The following PYGB variants were observed in gnomAD, a reference collection of about 807,000 sequenced individuals.
PYGB encodes the protein glycogen phosphorylase B.
Under a neutral mutation model 94.3 loss-of-function variants are expected in PYGB, and 82 were observed. The observed-to-expected ratio is 0.87, with a 90% CI of 0.73 to 1.04. PYGB has a LOEUF of 1.04. Ranked by LOEUF, PYGB falls within the 50% of genes least tolerant of loss-of-function variation. The pLI is 0.00. For missense variants in PYGB, 1,132 were observed against 1,158.2 expected (o/e 0.98, Z 0.33); for synonymous variants, 488 against 479.1 (o/e 1.02, Z -0.24).
chr20:25,287,158 T>C (rs765055831), intron 14 of PYGB, among the ~76,000 whole-genome samples: 8 of 152,218 alleles, frequency 5.3e-5, no homozygotes, highest in Non-Finnish European at 8.8e-5. Flanking sequence ...TTTGCTGGGC[T>C]GGCAGTGAGC....
At chr20:25,290,867 T>G (rs1196764154) in intron 16 of PYGB, among the ~76,000 whole-genome samples, 1 of 152,144 alleles carries the variant, frequency 6.6e-6, no homozygotes, top group Non-Finnish European at 1.5e-5. Context: ...CAGGGCACCC[T>G]TACTGCCGCG....
chr20:25,254,287 A>G (rs1042225480), intron 1 of PYGB, among the ~76,000 whole-genome samples: 20 of 152,202 alleles, frequency 1.3e-4, no homozygotes, highest in African/African-American at 3.6e-4. Context: ...CAATAATACA[A>G]TTGTAAAAAA....
chr20:25,268,615 G>A (rs185481564), intron 2 of PYGB, among the ~76,000 whole-genome samples: 6 of 152,234 alleles, frequency 3.9e-5, no homozygotes, highest in Admixed American at 2.6e-4. Flanking sequence ...TGTCAAGTTC[G>A]TGCACTAAAG....
intron 4 of PYGB, among the ~76,000 whole-genome samples, chr20:25,272,526 G>A (rs527717900): frequency 6.6e-6 from 1 of 152,402 alleles, no homozygotes; most frequent in East Asian, 1.9e-4. Context: ...AAAATCAATG[G>A]ATTGGTGGAC....
In PYGB at chr20:25,282,161, C is replaced by G; in HGVS notation, c.1518+14C>G. 1 of 1,587,238 alleles carries G rather than the reference C, an allele frequency of 6.3e-7. No individual in the cohort carries two copies. Among genetic ancestry groups the G allele is most frequent in the Non-Finnish European group, 8.6e-7 (1 of 1,160,608 alleles). On this transcript the variant is annotated intron_variant, in intron 12 of 19. Transcript: ENST00000216962. ...ACCATCGTGGAGGTGAGTCCCGGGC[C>G]CCACCCGTGCCTGTGGAGATGCCTG...
At chr20:25,271,857 T>C (rs1258938285) in intron 4 of PYGB, among the ~76,000 whole-genome samples, 3 of 152,246 alleles carry the variant, frequency 2.0e-5, no homozygotes, top group Admixed American at 6.5e-5. Flanking sequence ...GGTGGTACTT[T>C]CGGGGTCAGC....
At chr20:25,271,325 G>A (rs748314634) in intron 3 of PYGB, 58 bp from the exon 4 acceptor site, 227 of 1,542,194 alleles carry the variant, frequency 1.5e-4, no homozygotes, top group Non-Finnish European at 1.8e-4. Context: ...GGCTGCCTCC[G>A]CATGGGACCT....
rs373925841 is a variant in PYGB at position 25,271,279 on chromosome 20, T to C, written c.425-104T>C. 1.8e-5 allele frequency: 19 copies of C among 1,035,554 alleles called. No homozygotes were observed. The African/African-American group carries it at 2.8e-4, about 15-fold the overall frequency. The allele number at this position is 1,035,554 out of a possible 1,614,324, so 64.1% of individuals were successfully genotyped here. On this transcript the variant is annotated intron_variant, in intron 3 of 19. Transcript: ENST00000216962. ...TCCTCTCAGTGAAGCCTGAAGTCAGTGTGATCCCCTCTGAATTTCTGCCTT... is the reference window on the plus strand; with the variant it reads ...TCCTCTCAGTGAAGCCTGAAGTCAGCGTGATCCCCTCTGAATTTCTGCCTT...
chr20:25,248,523 C>G, intron 1 of PYGB, 102 bp downstream of exon 1: 1 of 1,231,920 alleles, frequency 8.1e-7, no homozygotes, highest in Non-Finnish European at 1.0e-6. Flanking sequence ...TCGGGCGTTA[C>G]CTGCGCCCCT....
chr20:25,252,987 CGT>C (rs1462745488), intron 1 of PYGB, among the ~76,000 whole-genome samples: 1 of 152,216 alleles, frequency 6.6e-6, no homozygotes, highest in Non-Finnish European at 1.5e-5. Flanking sequence ...CCACATCAGG[CGT>C]GGTTGAAAGG....
At chr20:25,265,894 C>T (rs1185263202) in intron 2 of PYGB, among the ~76,000 whole-genome samples, 2 of 150,628 alleles carry the variant, frequency 1.3e-5, no homozygotes, top group Non-Finnish European at 1.5e-5. Flanking sequence ...CATGCCCGGC[C>T]GATTTTTGTT....
Position 25,278,414 on chromosome 20 carries a change from C to A in PYGB, c.951C>A (p.Phe317Leu). The A allele has an allele frequency of 6.2e-7, 1 of 1,614,218 alleles. No homozygotes were observed. Among genetic ancestry groups the A allele is most frequent in the South Asian group, 1.1e-5 (1 of 91,082 alleles). The change falls in exon 8 of 20, where the codon TTC (phenylalanine) becomes TTA (leucine). Residue 317 changes from phenylalanine (F) to leucine (L), a missense_variant. Transcript: ENST00000216962. ...TCCGCCGCTTCAAGTCGTCCAAGTT[C>A]GGCTGCCGGGACCCTGTGAGAACCT... Reference protein sequence around the residue: ...DIIRRFKSSKFGCRDPVRTCF... With the variant: ...DIIRRFKSSKLGCRDPVRTCF...
intron 2 of PYGB, among the ~76,000 whole-genome samples, chr20:25,267,809 G>A (rs1181556619): frequency 6.6e-6 from 1 of 152,132 alleles, no homozygotes. Context: ...GGGATGACAG[G>A]CTTGAGCCAC....
rs528694849 is a variant in PYGB at position 25,274,393 on chromosome 20, G to A, written c.529-199G>A. 3.4e-4 allele frequency among the ~76,000 whole-genome samples: 52 copies of A among 152,334 alleles called. No homozygotes were observed. The East Asian group carries it at 9.1e-3, about 27-fold the overall frequency. On this transcript the variant is annotated intron_variant, in intron 4 of 19. Transcript: ENST00000216962. ...GCACGTGTTTCTAAATTTTGAGTTT[G>A]TTACTTTAGTGTCCACTGTGTTCAT...
chr20:25,278,280 G>GCCCTGGGACTGGGTCATGGGGCGTGTGCC lies in PYGB; in HGVS notation c.856-36_856-35insTGGGACTGGGTCATGGGGCGTGTGCCCCC, dbSNP rs11466827. On this transcript the variant is annotated intron_variant, in intron 7 of 19. Transcript: ENST00000216962. ...CTGGGCTTCCTGGGGGAGGAGAATGGCCCAGCCTGCACCCTCCAGCTTGCT... is the reference window on the plus strand; with the variant it reads ...CTGGGCTTCCTGGGGGAGGAGAATGGCCCTGGGACTGGGTCATGGGGCGTGTGCCCCCAGCCTGCACCCTCCAGCTTGCT... 1.9e-6 allele frequency: 3 copies of GCCCTGGGACTGGGTCATGGGGCGTGTGCC among 1,566,718 alleles called. No individual in the cohort carries two copies. In the African/African-American group the frequency reaches 4.1e-5, roughly 21 times the overall value.
At chr20:25,285,290 T>C (rs541643546) in intron 14 of PYGB, 1 of 152,274 alleles carries the variant, frequency 6.6e-6, no homozygotes, top group East Asian at 1.9e-4. Context: ...GTTGTGATGC[T>C]CTGTGTTCCC....
chr20:25,291,659 C>G (rs2088468756), intron 16 of PYGB, among the ~76,000 whole-genome samples: 1 of 152,090 alleles, frequency 6.6e-6, no homozygotes, highest in African/African-American at 2.4e-5. Context: ...ATCTCCTCTC[C>G]CCCGTGCTGC....
At chr20:25,293,717 T>C (rs1854390969) in intron 17 of PYGB, among the ~76,000 whole-genome samples, 1 of 152,228 alleles carries the variant, frequency 6.6e-6, no homozygotes, top group African/African-American at 2.4e-5. Flanking sequence ...TTGTCCTGTC[T>C]GGTCTTGCTT....
chr20:25,266,708 A>G (rs767460574), intron 2 of PYGB, among the ~76,000 whole-genome samples: 1 of 152,244 alleles, frequency 6.6e-6, no homozygotes, highest in Non-Finnish European at 1.5e-5. Flanking sequence ...AAAATGGACA[A>G]AAAGACTTGG....
Sources: allele counts gnomAD v4.1 joint callset (sites outside exome capture counted in the v4.1 genomes callset), GRCh38; gene constraint gnomAD v4.1.1; transcripts MANE v1.5; gene names NCBI Gene and HGNC (gene_info 2026-07-23, HGNC 2026-07-21).